DSCAML1: variants seen among roughly 807,000 people sequenced by gnomAD.
DSCAML1 encodes the protein DS cell adhesion molecule like 1.
Under a neutral mutation model 200.5 loss-of-function variants are expected in DSCAML1, and 38 were observed. The ratio of observed to expected loss-of-function variants is 0.19; its 90% CI spans 0.15 to 0.25. The LOEUF is 0.25. Among genes scored for constraint, DSCAML1 ranks in the 10% least tolerant of loss-of-function variants. The probability of loss-of-function intolerance (pLI) is 1.00; values close to 1 mark genes in which losing one functional copy is unlikely to be tolerated. For synonymous variants in DSCAML1, 1,215 were observed against 1,165.0 expected, an observed-to-expected ratio of 1.04 and a Z score of -0.87; for missense variants, 2,223 against 2,858.8, an observed-to-expected ratio of 0.78 and a Z score of 5.07.
At chr11:117,621,093 T>C (rs1443851460) in intron 3 of DSCAML1, among the ~76,000 whole-genome samples, 1 of 152,232 alleles carries the variant, frequency 6.6e-6, no homozygotes, top group Non-Finnish European at 1.5e-5. Context: ...GCATCTGGGA[T>C]GATTAAGCTG....
At chr11:117,648,305 T>C (rs2052563135) in intron 3 of DSCAML1, among the ~76,000 whole-genome samples, 2 of 152,110 alleles carry the variant, frequency 1.3e-5, no homozygotes, top group Admixed American at 6.5e-5. Context: ...CTCCTGGGTC[T>C]CCCCAGCAGG....
rs757481843 is a variant in DSCAML1, at chr11:117,467,193, A to ACCCCCCCCCCCCCCCCCCC, written c.3025-2012_3025-2011insGGGGGGGGGGGGGGGGGGG. On this transcript the variant is annotated intron_variant, in intron 16 of 32. Coordinates refer to ENST00000651296, the MANE Select transcript of DSCAML1 (RefSeq NM_020693.4). ...CGCGCACGCATGCGCGTGCACACAC[A>ACCCCCCCCCCCCCCCCCCC]CCTCCCCCCTCCCCCCGCCGCCAAT... 1.2e-4 allele frequency among the ~76,000 whole-genome samples: 13 copies of ACCCCCCCCCCCCCCCCCCC among 109,512 alleles called. 1 individual carries two copies. The highest frequency in any genetic ancestry group is 3.1e-4 in the African/African-American group (7 of 22,562). The allele number at this position is 109,512 out of a possible 152,430, so 71.8% of individuals were successfully genotyped here.
intron 3 of DSCAML1, among the ~76,000 whole-genome samples, chr11:117,637,630 C>G (rs1181186560): frequency 6.6e-6 from 1 of 152,142 alleles, no homozygotes; most frequent in East Asian, 1.9e-4. Context: ...CAGGCATGAG[C>G]CACTGCTCCC....
At chr11:117,720,628 T>C (rs1352315338) in intron 3 of DSCAML1, among the ~76,000 whole-genome samples, 3 of 152,194 alleles carry the variant, frequency 2.0e-5, no homozygotes, top group Admixed American at 1.3e-4. Context: ...CTCAGAGAGG[T>C]ACTGGGACGG....
At chr11:117,495,390 C>A (rs556813820) in intron 11 of DSCAML1, among the ~76,000 whole-genome samples, 1 of 152,182 alleles carries the variant, frequency 6.6e-6, no homozygotes, top group Non-Finnish European at 1.5e-5. Context: ...CTCTTTAGAA[C>A]TGAATCCTGC....
intron 32 of DSCAML1, 49 bp downstream of exon 32, chr11:117,430,673 G>A: frequency 6.4e-7 from 1 of 1,557,368 alleles, no homozygotes; most frequent in Middle Eastern, 2.3e-4. Context: ...CATGGGGCTG[G>A]GGCCAGGGGG....
chr11:117,593,650 G>A (rs1381040696), intron 3 of DSCAML1, among the ~76,000 whole-genome samples: 2 of 152,126 alleles, frequency 1.3e-5, no homozygotes, highest in East Asian at 3.9e-4. Flanking sequence ...TTTCTGCCTG[G>A]CACAGGGATG....
chr11:117,503,989 G>C lies in DSCAML1; in HGVS notation c.2215C>G (p.Pro739Ala). The C allele has an allele frequency of 1.9e-6, 3 of 1,614,170 alleles. No homozygotes were observed. The highest frequency in any genetic ancestry group is 2.5e-6 in the Non-Finnish European group (3 of 1,180,022). ...SGNPQQYHPV[P>A]LTGRIQILPN... ...AGGATCTGGATGCGGCCAGTGAGGGGCACAGGGTGGTACTGCTGGGGGTTC... is the reference window on the plus strand; with the variant it reads ...AGGATCTGGATGCGGCCAGTGAGGGCCACAGGGTGGTACTGCTGGGGGTTC... Residue 739 changes from proline (P) to alanine (A), a missense_variant, in exon 11 of 33, where the codon CCC becomes GCC. Physicochemically the swap from Pro to Ala is conservative, Grantham distance 27. Coordinates refer to ENST00000651296, the MANE Select transcript of DSCAML1 (RefSeq NM_020693.4). This position sits in a 1 kb window ranked among gnomAD's most constrained non-coding sequence, Gnocchi z 5.2.
chr11:117,810,566 C>T (rs1764416165), intron 1 of DSCAML1, among the ~76,000 whole-genome samples: 1 of 152,082 alleles, frequency 6.6e-6, no homozygotes, highest in African/African-American at 2.4e-5. Flanking sequence ...AAGCTTCCAC[C>T]TTCCATTCCT....
At chr11:117,545,836 C>G (rs1407363755) in intron 3 of DSCAML1, among the ~76,000 whole-genome samples, 1 of 152,206 alleles carries the variant, frequency 6.6e-6, no homozygotes, top group African/African-American at 2.4e-5. Context: ...ATCTCATCCC[C>G]CGTGGAGGAA....
chr11:117,593,920 A>T (rs2051311330), intron 3 of DSCAML1, among the ~76,000 whole-genome samples: 1 of 151,920 alleles, frequency 6.6e-6, no homozygotes. Context: ...TCACCGTGTT[A>T]GCCAGGATGG....
rs201776853 is a variant in DSCAML1 at position 117,465,062 on chromosome 11, C to T, written c.3145G>A (p.Glu1049Lys). The change falls in exon 17 of 33, where the codon GAG (glutamate) becomes AAG (lysine). Residue 1049 changes from glutamate to lysine, a missense_variant. Around this residue, in one of 7 missense-constraint regions of DSCAML1, gnomAD observed 438 missense variants for 629.7 expected, o/e 0.70. Transcript: ENST00000651296. ...IVEMKATGDS[E>K]VYTLDNLKKF... ...TTGAGGTTGTCCAGGGTGTAGACCT[C>T]GCTGTCCCCCGTGGCCTTCATCTCC... The T allele has an allele frequency of 2.5e-6, 4 of 1,614,144 alleles. No individual in the cohort carries two copies. The highest frequency in any genetic ancestry group is 1.1e-5 in the South Asian group (1 of 91,074).
chr11:117,776,876 G>A lies in DSCAML1; in HGVS notation c.426C>T (p.Ala142=), dbSNP rs372834250. The A allele has an allele frequency of 7.4e-6, 12 of 1,614,026 alleles. No homozygotes were observed. The highest frequency in any genetic ancestry group is 5.5e-5 in the South Asian group (5 of 91,070). Residue 142 remains alanine (A), a synonymous_variant, in exon 3 of 33, where the codon GCC becomes GCT. Coordinates refer to ENST00000651296, the MANE Select transcript of DSCAML1 (RefSeq NM_020693.4). ...AAGAGGGGATGAGGCACTTGAAGAC[G>A]GCCACGTTGCCACGCATTGACCTTT... ...EDQRSMRGNV[A]VFKCLIPSSV... is the part of the protein sequence containing the mutation.
intron 14 of DSCAML1, among the ~76,000 whole-genome samples, chr11:117,477,390 G>GTA (rs1491394824): frequency 1.4e-3 from 182 of 131,808 alleles, no homozygotes; most frequent in Non-Finnish European, 2.5e-3. Context: ...GTGTGTGTGT[G>GTA]TATGTGTGTG....
Position 117,439,900 on chromosome 11 carries a change from G to A in DSCAML1, c.3899C>T (p.Thr1300Ile). The A allele has an allele frequency of 6.2e-7, 1 of 1,614,200 alleles. No homozygotes were observed. The highest frequency in any genetic ancestry group is 8.5e-7 in the Non-Finnish European group (1 of 1,180,038). The change falls in exon 22 of 33, where the codon ACA (threonine) becomes ATA (isoleucine). Residue 1300 changes from threonine (T) to isoleucine (I), a missense_variant. Thr to Ile is a moderately conservative substitution (Grantham distance 89). Coordinates refer to ENST00000651296, the MANE Select transcript of DSCAML1 (RefSeq NM_020693.4). ...CCGAACATCTTTCATCCAAGGTGTT[G>A]TCACGGTGCCCCCAAAGGAGATGAT... The part of the protein sequence containing the change: ...AKIISFGGTV[T>I]TPWMKDVRLP...
At position 117,516,326 on chromosome 11, in the gene DSCAML1, G is replaced by T; in HGVS notation, c.1783+141C>A. 9.1e-7 allele frequency: 1 copy of T among 1,103,984 alleles called. No individual in the cohort carries two copies. Among genetic ancestry groups the T allele is most frequent in the South Asian group, 1.6e-5 (1 of 61,540 alleles). The allele number at this position is 1,103,984 out of a possible 1,614,324, so 68.4% of individuals were successfully genotyped here. A position where few individuals can be genotyped will look rare whatever the true frequency, so the allele number is the denominator to read the frequency against. On this transcript the variant is annotated intron_variant, in intron 8 of 32. Transcript: ENST00000651296. This position sits in a 1 kb window ranked among gnomAD's most constrained non-coding sequence, Gnocchi z 5.7. Reference sequence around the variant, plus strand: ...TCTTCTGCCCTGCTCCCTTTTTTCTGAATGCCAAGCTGGGGCCTCTCTTGC... The same window carrying T: ...TCTTCTGCCCTGCTCCCTTTTTTCTTAATGCCAAGCTGGGGCCTCTCTTGC...
At chr11:117,626,875 C>T (rs1289867107) in intron 3 of DSCAML1, among the ~76,000 whole-genome samples, 2 of 152,118 alleles carry the variant, frequency 1.3e-5, no homozygotes, top group East Asian at 1.9e-4. Context: ...ATCCTATGCT[C>T]CACGGTGCCT....
intron 3 of DSCAML1, among the ~76,000 whole-genome samples, chr11:117,733,989 A>G (rs758649778): frequency 6.6e-6 from 1 of 151,726 alleles, no homozygotes; most frequent in Non-Finnish European, 1.5e-5. Flanking sequence ...TGGATAAGTC[A>G]TCTTCCTCTG....
intron 3 of DSCAML1, among the ~76,000 whole-genome samples, chr11:117,612,900 T>G (rs2051725547): frequency 6.6e-6 from 1 of 152,146 alleles, no homozygotes; most frequent in Non-Finnish European, 1.5e-5. Flanking sequence ...GGCCAGGGTT[T>G]GAGTTCCAGT....
Sources: allele counts gnomAD v4.1 joint callset (sites outside exome capture counted in the v4.1 genomes callset), GRCh38; gene constraint gnomAD v4.1.1; regional missense constraint gnomAD v4.1.1; non-coding constraint Gnocchi (gnomAD v3.1); transcripts MANE v1.5; gene names NCBI Gene and HGNC (gene_info 2026-07-23, HGNC 2026-07-21).